Variants in OCIAD1 observed in about 807,000 individuals in gnomAD.
The protein encoded by OCIAD1 is OCIA domain containing 1.
In OCIAD1, 29 loss-of-function variants were observed where a neutral mutation model predicts 38.9. The observed-to-expected ratio is 0.74, with a 90% CI of 0.55 to 1.02. OCIAD1 has a LOEUF of 1.02. Among genes scored for constraint, OCIAD1 ranks in the 50% least tolerant of loss-of-function variants. The pLI is 0.00. For synonymous variants in OCIAD1, 110 were observed against 92.0 expected, an observed-to-expected ratio of 1.20 and a Z score of -1.12; for missense variants, 288 against 289.6, an observed-to-expected ratio of 0.99 and a Z score of 0.04.
intron 7 of OCIAD1, chr4:48,856,248 A>G (rs1232994937): frequency 6.6e-6 from 1 of 152,234 alleles, no homozygotes; most frequent in African/African-American, 2.4e-5. Flanking sequence ...GGAGAAATAA[A>G]GAATAAATGT....
chr4:48,848,003 T>C (rs1779111644), intron 4 of OCIAD1, among the ~76,000 whole-genome samples: 1 of 152,042 alleles, frequency 6.6e-6, no homozygotes. Context: ...CTTGTCAGTG[T>C]AGAGATCTTT....
Position 48,847,484 on chromosome 4 carries a change from A to T in OCIAD1, c.194-915A>T, listed in dbSNP as rs1046156232. ...TGTTGACTCTTTAAGATCTTCGTCT[A>T]CTCTAAGGACACAAAGATGGTCTCA... On this transcript the variant is annotated intron_variant, in intron 4 of 8. Transcript: ENST00000264312. Among the ~76,000 whole-genome samples the T allele has an allele frequency of 2.0e-5, 3 of 152,218 alleles. No individual in the cohort carries two copies. The East Asian group carries it at 5.8e-4, about 29-fold the overall frequency.
chr4:48,809,333 C>T (rs1273036805), intron 1 of OCIAD1, among the ~76,000 whole-genome samples: 1 of 152,050 alleles, frequency 6.6e-6, no homozygotes, highest in Non-Finnish European at 1.5e-5. Context: ...ACCAGCCTGG[C>T]CAACTTGGCG....
chr4:48,835,723 C>T (rs1297915021), intron 3 of OCIAD1, among the ~76,000 whole-genome samples: 3 of 152,178 alleles, frequency 2.0e-5, no homozygotes, highest in East Asian at 3.8e-4. Context: ...GCATGAGCCA[C>T]TGAACCTGGC....
chr4:48,860,603 C>T, intron 8 of OCIAD1, 122 bp from the exon 9 acceptor site: 1 of 775,966 alleles, frequency 1.3e-6, no homozygotes, highest in East Asian at 2.6e-5. Flanking sequence ...TATAATTTGA[C>T]TCTCATGTGC....
chr4:48,834,227 A>C lies in OCIAD1; in HGVS notation c.139+746A>C, dbSNP rs188234070. Among the ~76,000 whole-genome samples, 6 of 152,234 alleles carry C rather than the reference A, an allele frequency of 3.9e-5. No individual in the cohort carries two copies. The East Asian group carries it at 1.2e-3, about 29-fold the overall frequency. On this transcript the variant is annotated intron_variant, in intron 3 of 8. Coordinates refer to ENST00000264312, the MANE Select transcript of OCIAD1 (RefSeq NM_017830.4). ...GCTCTTGTTGCCCAGGCTGGAGTAC[A>C]ATGGTGTGATCTCAGCTCACTGCAA...
At chr4:48,819,861 T>C (rs1777176983) in intron 1 of OCIAD1, among the ~76,000 whole-genome samples, 1 of 151,404 alleles carries the variant, frequency 6.6e-6, no homozygotes, top group Admixed American at 6.6e-5. Flanking sequence ...AAGAGCTAAG[T>C]ATATATGCAA....
chr4:48,824,927 G>A (rs953501377), intron 1 of OCIAD1, among the ~76,000 whole-genome samples: 2 of 152,042 alleles, frequency 1.3e-5, no homozygotes, highest in Non-Finnish European at 2.9e-5. Flanking sequence ...GTAGAGACAG[G>A]GTTTCACAAT....
chr4:48,814,683 T>A (rs1777126064), intron 1 of OCIAD1, among the ~76,000 whole-genome samples: 1 of 152,152 alleles, frequency 6.6e-6, no homozygotes, highest in South Asian at 2.1e-4. Flanking sequence ...CTATATCACT[T>A]TTATGCTTAC....
intron 1 of OCIAD1, among the ~76,000 whole-genome samples, chr4:48,815,347 T>C (rs1258527792): frequency 6.6e-6 from 1 of 152,192 alleles, no homozygotes; most frequent in East Asian, 1.9e-4. Context: ...TAGAAGAAAT[T>C]CACACAGTGG....
chr4:48,818,058 T>C (rs1444904597), intron 1 of OCIAD1, among the ~76,000 whole-genome samples: 4 of 152,154 alleles, frequency 2.6e-5, no homozygotes, highest in Non-Finnish European at 5.9e-5. Flanking sequence ...CCCAGCGCAG[T>C]GCACCAGCTC....
rs574148484 is a variant in OCIAD1 at position 48,817,344 on chromosome 4, A to G, written c.-103+12014A>G. Reference sequence around the variant, plus strand: ...CAAAACTGGGCGGCTGTTTGGGCAGACACTGAGCTAGCTGTAGAAGTATTT... The same window carrying G: ...CAAAACTGGGCGGCTGTTTGGGCAGGCACTGAGCTAGCTGTAGAAGTATTT... On this transcript the variant is annotated intron_variant, in intron 1 of 6. Coordinates refer to the OCIAD1 transcript ENST00000504654. Among the ~76,000 whole-genome samples the G allele has an allele frequency of 3.3e-4, 50 of 152,260 alleles. 1 individual carries two copies. The South Asian group carries it at 6.4e-3, about 20-fold the overall frequency.
chr4:48,820,758 A>C (rs1777186012), intron 1 of OCIAD1, among the ~76,000 whole-genome samples: 1 of 152,268 alleles, frequency 6.6e-6, no homozygotes, highest in Admixed American at 6.5e-5. Flanking sequence ...CCATCAGAGA[A>C]TACTATAAAC....
chr4:48,852,700 T>A (rs1287831590), intron 7 of OCIAD1, among the ~76,000 whole-genome samples: 1 of 152,114 alleles, frequency 6.6e-6, no homozygotes, highest in Non-Finnish European at 1.5e-5. Context: ...ACTGTTGGAA[T>A]TAGAGGAAAT....
intron 1 of OCIAD1, among the ~76,000 whole-genome samples, chr4:48,805,970 T>C (rs77812710): frequency 0.019 from 2,844 of 152,244 alleles, 29 homozygotes; most frequent in Middle Eastern, 0.037. Flanking sequence ...GTCATTTAAA[T>C]TTGGAAAAAC....
chr4:48,837,739 AAG>A (rs1324259245), intron 3 of OCIAD1, among the ~76,000 whole-genome samples: 3 of 151,984 alleles, frequency 2.0e-5, no homozygotes, highest in African/African-American at 7.3e-5. Context: ...GATTAAGAAA[AAG>A]GCAAGTGTGA....
intron 1 of OCIAD1, among the ~76,000 whole-genome samples, chr4:48,820,544 C>T (rs963333036): frequency 2.0e-5 from 3 of 152,080 alleles, no homozygotes; most frequent in African/African-American, 7.2e-5. Flanking sequence ...CAAGAAATAA[C>T]TAAGATCAGA....
intron 3 of OCIAD1, among the ~76,000 whole-genome samples, chr4:48,842,005 G>A (rs1443257847): frequency 6.6e-6 from 1 of 152,108 alleles, no homozygotes; most frequent in Non-Finnish European, 1.5e-5. Context: ...GGTTTAGATG[G>A]TATACTAGAG....
intron 4 of OCIAD1, among the ~76,000 whole-genome samples, chr4:48,845,545 C>G (rs754468568): frequency 6.6e-6 from 1 of 152,038 alleles, no homozygotes; most frequent in Non-Finnish European, 1.5e-5. Flanking sequence ...TTATATAGCA[C>G]TAAACAACAA....
Sources: allele counts gnomAD v4.1 joint callset (sites outside exome capture counted in the v4.1 genomes callset), GRCh38; gene constraint gnomAD v4.1.1; transcripts MANE v1.5; gene names NCBI Gene and HGNC (gene_info 2026-07-23, HGNC 2026-07-21).